Variants in DMXL1 observed in about 807,000 individuals in gnomAD.
DMXL1 encodes Dmx like 1.
A neutral mutation model predicts 319.2 loss-of-function variants in DMXL1; 99 were observed. The observed-to-expected ratio is 0.31, with a 90% CI of 0.26 to 0.37. The LOEUF is 0.37. DMXL1 is among the 10% of genes least tolerant of loss of function. The probability of loss-of-function intolerance (pLI) is 1.00; values close to 1 mark genes in which losing one functional copy is unlikely to be tolerated. For missense variants in DMXL1, 3,745 were observed against 3,595.6 expected (o/e 1.04, Z -1.06); for synonymous variants, 1,385 against 1,235.2 (o/e 1.12, Z -2.54).
chr5:119,171,314 A>T, intron 24 of DMXL1, 34 bp downstream of exon 24: 1 of 1,543,178 alleles, frequency 6.5e-7, no homozygotes, highest in Non-Finnish European at 8.7e-7. Flanking sequence ...AAAATGGTAC[A>T]TGTCTAAAAC....
chr5:119,183,386 C>T (rs767651205), intron 28 of DMXL1, among the ~76,000 whole-genome samples: 1 of 152,124 alleles, frequency 6.6e-6, no homozygotes, highest in Non-Finnish European at 1.5e-5. Flanking sequence ...ATTGAATATG[C>T]CAAACATTTA....
chr5:119,083,961 G>C lies in DMXL1; in HGVS notation c.87+12305G>C, dbSNP rs181055093. Reference sequence around the variant, plus strand: ...TTTTTGAGAACATCTGCTATTTCCAGTCTTCTTGTTAAAAGCCATTTTAAC... The same window carrying C: ...TTTTTGAGAACATCTGCTATTTCCACTCTTCTTGTTAAAAGCCATTTTAAC... On this transcript the variant is annotated intron_variant, in intron 1 of 43. Coordinates refer to ENST00000539542, the MANE Select transcript of DMXL1 (RefSeq NM_001290321.3). Among the ~76,000 whole-genome samples the C allele has an allele frequency of 2.5e-3, 386 of 152,254 alleles. 7 individuals are homozygous for C. Among genetic ancestry groups the C allele is most frequent in the Non-Finnish European group, 1.0e-3 (68 of 68,010 alleles).
At chr5:119,193,793 T>C (rs1779115642) in intron 29 of DMXL1, 35 bp from the exon 30 acceptor site, 9 of 1,594,402 alleles carry the variant, frequency 5.6e-6, no homozygotes, top group East Asian at 2.2e-5. Flanking sequence ...AAATTAGATA[T>C]GTGGCTGCTA....
intron 19 of DMXL1, among the ~76,000 whole-genome samples, chr5:119,164,144 A>G (rs1330691593): frequency 6.6e-6 from 1 of 152,024 alleles, no homozygotes; most frequent in Non-Finnish European, 1.5e-5. Context: ...CACAAAACAA[A>G]TGTTGACCAA....
chr5:119,182,792 C>T (rs183385700), intron 28 of DMXL1, among the ~76,000 whole-genome samples: 9 of 152,130 alleles, frequency 5.9e-5, no homozygotes, highest in African/African-American at 1.9e-4. Flanking sequence ...ACTAAAACTG[C>T]AGTGCAGGTA....
chr5:119,139,717 C>T lies in DMXL1; in HGVS notation c.2377-4124C>T, dbSNP rs145195471. On this transcript the variant is annotated intron_variant, in intron 13 of 43. Transcript: ENST00000539542. ...TCAATGTCAGTATTAGACAGCTCAT[C>T]GAGGCAGAAGAGTAACAGAGATATT... Among the ~76,000 whole-genome samples, 597 of 152,202 alleles carry T rather than the reference C, an allele frequency of 3.9e-3. 9 individuals carry two copies. Among genetic ancestry groups the T allele is most frequent in the South Asian group, 0.026 (127 of 4,814 alleles).
At chr5:119,218,451 CTTTATTTTAT>C (rs1056155942) in intron 35 of DMXL1, among the ~76,000 whole-genome samples, 3 of 151,150 alleles carry the variant, frequency 2.0e-5, no homozygotes, top group African/African-American at 4.9e-5. Flanking sequence ...TTTTATTTTA[CTTTATTTTAT>C]TTTATTTTAT....
At chr5:119,218,178 A>G (rs1784018544) in intron 35 of DMXL1, among the ~76,000 whole-genome samples, 2 of 152,048 alleles carry the variant, frequency 1.3e-5, no homozygotes. Flanking sequence ...GGAGTTTGAT[A>G]CCAGCCTGGG....
chr5:119,159,787 C>G (rs1222166787), intron 19 of DMXL1, among the ~76,000 whole-genome samples: 2 of 152,064 alleles, frequency 1.3e-5, no homozygotes, highest in Non-Finnish European at 2.9e-5. Flanking sequence ...CCACACCCAG[C>G]TAATTTTTGT....
chr5:119,220,907 G>A, intron 36 of DMXL1, 33 bp from the exon 37 acceptor site: 2 of 1,595,732 alleles, frequency 1.3e-6, no homozygotes, highest in African/African-American at 1.3e-5. Flanking sequence ...GAAATGATGA[G>A]TTGTTTTTAT....
intron 1 of DMXL1, among the ~76,000 whole-genome samples, chr5:119,073,720 C>T (rs1750170546): frequency 6.6e-6 from 1 of 152,046 alleles, no homozygotes; most frequent in Admixed American, 6.6e-5. Context: ...GTTCAGCTCT[C>T]TTTAGTTTTG....
At chr5:119,233,179 T>C (rs73247061) in intron 38 of DMXL1, among the ~76,000 whole-genome samples, 161 bp from the exon 39 acceptor site, 3,439 of 152,296 alleles carry the variant, frequency 0.023, 127 homozygotes, top group African/African-American at 0.078. Flanking sequence ...GTATAACTAT[T>C]TTTATGATGA....
intron 25 of DMXL1, among the ~76,000 whole-genome samples, 192 bp from the exon 26 acceptor site, chr5:119,175,067 GTT>G (rs35496940): frequency 6.6e-6 from 1 of 152,078 alleles, no homozygotes; most frequent in African/African-American, 2.4e-5. Context: ...ACTTTAGCGT[GTT>G]TTCTTTAAAT....
chr5:119,090,410 A>G (rs1335123218), intron 1 of DMXL1, among the ~76,000 whole-genome samples: 1 of 151,738 alleles, frequency 6.6e-6, no homozygotes. Context: ...GAAGTTTTAG[A>G]AAGTTTTCTG....
intron 1 of DMXL1, among the ~76,000 whole-genome samples, chr5:119,082,948 A>T (rs1038495011): frequency 6.6e-6 from 1 of 152,158 alleles, no homozygotes; most frequent in African/African-American, 2.4e-5. Flanking sequence ...TATGAATGAG[A>T]ACATGTGATA....
At chr5:119,241,705 G>T (rs1264225500) in intron 42 of DMXL1, among the ~76,000 whole-genome samples, 1 of 152,016 alleles carries the variant, frequency 6.6e-6, no homozygotes, top group Non-Finnish European at 1.5e-5. Context: ...ATGTTGTATG[G>T]TTCCCATGGT....
intron 1 of DMXL1, among the ~76,000 whole-genome samples, chr5:119,076,868 G>A (rs925784606): frequency 3.3e-5 from 5 of 152,178 alleles, no homozygotes; most frequent in South Asian, 2.1e-4. Flanking sequence ...GCACACATGT[G>A]ACTCAATTCT....
At chr5:119,119,102 G>T in intron 8 of DMXL1, 98 bp downstream of exon 8, 1 of 757,424 alleles carries the variant, frequency 1.3e-6, no homozygotes, top group Non-Finnish European at 1.9e-6. Context: ...CTATATCCTA[G>T]GAAAATAATT....
chr5:119,089,040 A>C (rs1359788342), intron 1 of DMXL1, among the ~76,000 whole-genome samples: 1 of 151,448 alleles, frequency 6.6e-6, no homozygotes, highest in East Asian at 1.9e-4. Context: ...AACTCCCTTT[A>C]GCATTTTTGC....
Sources: gnomAD v4.1 joint callset for allele counts (sites outside exome capture counted in the v4.1 genomes callset) on GRCh38, gnomAD v4.1.1 for gene constraint, MANE v1.5 for transcripts, NCBI Gene and HGNC (gene_info 2026-07-23, HGNC 2026-07-21) for gene names.